APH1A: variants seen among roughly 807,000 people sequenced by gnomAD.
APH1A encodes aph-1A gamma-secretase subunit.
A neutral mutation model predicts 30.3 loss-of-function variants in APH1A; 16 were observed. The ratio of observed to expected loss-of-function variants is 0.53; its 90% CI spans 0.36 to 0.80. APH1A has a LOEUF of 0.80. Ranked by LOEUF, APH1A falls within the 30% of genes least tolerant of loss-of-function variation. The pLI is 0.01. For synonymous variants in APH1A, 144 were observed against 140.1 expected, an observed-to-expected ratio of 1.03 and a Z score of -0.20; for missense variants, 245 against 337.8, an observed-to-expected ratio of 0.73 and a Z score of 2.15.
At position 150,267,341 on chromosome 1, in the gene APH1A, GA is replaced by G. The variant is rs1651813895; in HGVS notation, c.481+14del. On this transcript the variant is annotated intron_variant, in intron 4 of 6. Transcript: ENST00000369109. ...ATGGATGGGGGGTAAAGGCTAGATA[GA>G]AGGTGGATCTTACCTGAAGTCAGGA... 9 of 1,613,992 alleles carry G rather than the reference GA, an allele frequency of 5.6e-6. No individual in the cohort carries two copies. Among genetic ancestry groups the G allele is most frequent in the Non-Finnish European group, 7.6e-6 (9 of 1,180,006 alleles).
chr1:150,265,845 TCCC>T lies in APH1A; in HGVS notation c.*282_*284del. On this transcript the variant is annotated 3_prime_UTR_variant, in exon 7 of 7. Coordinates refer to ENST00000369109, the MANE Select transcript of APH1A (RefSeq NM_001077628.3). Reference sequence around the variant, plus strand: ...GAAGAGTTCCAATATACCTCCTCCCTCCCCCCACCTCAAAAAAGAAAAAAAGGC... The same window carrying T: ...GAAGAGTTCCAATATACCTCCTCCCTCCCACCTCAAAAAAGAAAAAAAGGC... The T allele has an allele frequency of 2.7e-6, 1 of 375,880 alleles. No individual in the cohort carries two copies. The highest frequency in any genetic ancestry group is 5.9e-5 in the South Asian group (1 of 16,850). The allele number at this position is 375,880 out of a possible 1,614,324, so 23.3% of individuals were successfully genotyped here.
At chr1:150,266,493 G>A (rs1180616840) in intron 6 of APH1A, 40 bp downstream of exon 6, 1 of 1,612,914 alleles carries the variant, frequency 6.2e-7, no homozygotes. Context: ...ACAGGCAGGT[G>A]GGATCTGTCA....
rs184760849 is a variant in APH1A, at chr1:150,265,761, G to A, written c.*369C>T. The A allele has an allele frequency of 3.6e-5, 7 of 194,082 alleles. No homozygotes were observed. Among genetic ancestry groups the A allele is most frequent in the Admixed American group, 1.7e-4 (3 of 17,816 alleles). 12.0% of individuals were successfully genotyped at this position (194,082 alleles called of 1,614,324 possible). A position where few individuals can be genotyped will look rare whatever the true frequency, so the allele number is the denominator to read the frequency against. On this transcript the variant is annotated 3_prime_UTR_variant, in exon 7 of 7. Transcript: ENST00000369109. ...GTCTGGGACCAAGGAGAAAGGGACC[G>A]AAATGAGCCCAGCCATGAGGAGCAA...
chr1:150,268,543 G>A (rs1651943042), intron 1 of APH1A, 155 bp downstream of exon 1: 1 of 716,872 alleles, frequency 1.4e-6, no homozygotes, highest in Admixed American at 2.9e-5. Flanking sequence ...TGCGGGAAAG[G>A]ACAAATCTCC....
In APH1A at chr1:150,268,822, T is replaced by A; in HGVS notation, c.-12A>T. The stretch of plus-strand genomic sequence containing the variant: ...ACCGCAGCCCCCATGGCTGGTCAGG[T>A]GGGAAGGGGGGTGGGGGCCTGACCA... On this transcript the variant is annotated 5_prime_UTR_variant, in exon 1 of 7. Transcript: ENST00000369109. 2 of 1,603,296 alleles carry A rather than the reference T, an allele frequency of 1.2e-6. No individual in the cohort carries two copies. Among genetic ancestry groups the A allele is most frequent in the Non-Finnish European group, 1.7e-6 (2 of 1,175,264 alleles).
rs374950774 is a variant in APH1A, at chr1:150,265,927, G to C, written c.*203C>G. 2 of 617,688 alleles carry C rather than the reference G, an allele frequency of 3.2e-6. No homozygotes were observed. Among genetic ancestry groups the C allele is most frequent in the East Asian group, 3.0e-5 (1 of 33,350 alleles). The allele number at this position is 617,688 out of a possible 1,614,324, so 38.3% of individuals were successfully genotyped here. A position where few individuals can be genotyped will look rare whatever the true frequency, so the allele number is the denominator to read the frequency against. On this transcript the variant is annotated 3_prime_UTR_variant, in exon 7 of 7. Coordinates refer to ENST00000369109, the MANE Select transcript of APH1A (RefSeq NM_001077628.3). ...GGTTCCCCCTCAGGCCTGAGAAAAA[G>C]ACCAAGATGTCCAGTCTTGAGGGAG...
chr1:150,266,097 C>A lies in APH1A; in HGVS notation c.*33G>T. On this transcript the variant is annotated 3_prime_UTR_variant, in exon 7 of 7. Transcript: ENST00000369109. Reference sequence around the variant, plus strand: ...ATACAGGGCGAGGACATCAGGAGGGCACCCCAGGCCCAGGGGTCCCCCCTA... The same window carrying A: ...ATACAGGGCGAGGACATCAGGAGGGAACCCCAGGCCCAGGGGTCCCCCCTA... 6.4e-7 allele frequency: 1 copy of A among 1,563,798 alleles called. No individual in the cohort carries two copies. The highest frequency in any genetic ancestry group is 8.7e-7 in the Non-Finnish European group (1 of 1,153,550).
In APH1A at chr1:150,267,120, C is replaced by G; in HGVS notation, c.564G>C (p.Trp188Cys). ...GACTCCCAACCACCAGGCCCAAAGC[C>G]CAGTACCGTCTCCTCTCACAGGCAT... Reference protein sequence around the residue: ...FFDACERRRYWALGLVVGSHL... With the variant: ...FFDACERRRYCALGLVVGSHL... Residue 188 changes from tryptophan to cysteine, a missense_variant, in exon 5 of 7, where the codon TGG (tryptophan) becomes TGC (cysteine). Coordinates refer to ENST00000369109, the MANE Select transcript of APH1A (RefSeq NM_001077628.3). The G allele has an allele frequency of 6.2e-7, 1 of 1,614,188 alleles. No homozygotes were observed. The highest frequency in any genetic ancestry group is 8.5e-7 in the Non-Finnish European group (1 of 1,180,034).
intron 3 of APH1A, 76 bp from the exon 4 acceptor site, chr1:150,267,554 G>A (rs1651836894): frequency 6.3e-6 from 10 of 1,592,022 alleles, no homozygotes; most frequent in South Asian, 1.1e-5. Flanking sequence ...CCCCATTCCC[G>A]GTTACAATTC....
At chr1:150,266,786 C>T in intron 5 of APH1A, 130 bp from the exon 6 acceptor site, 1 of 1,221,842 alleles carries the variant, frequency 8.2e-7, no homozygotes, top group Non-Finnish European at 1.1e-6. Flanking sequence ...AGAGCACCAA[C>T]ATCTTGTGGT....
chr1:150,267,528 T>C (rs1162877632), intron 3 of APH1A, 50 bp from the exon 4 acceptor site: 2 of 1,606,944 alleles, frequency 1.2e-6, no homozygotes, highest in African/African-American at 2.7e-5. Context: ...CTATTGCCTG[T>C]TCACCACTGA....
At position 150,266,008 on chromosome 1, in the gene APH1A, G is replaced by C. The variant is rs1651668699; in HGVS notation, c.*122C>G. 2 of 1,169,552 alleles carry C rather than the reference G, an allele frequency of 1.7e-6. No individual in the cohort carries two copies. The highest frequency in any genetic ancestry group is 2.4e-6 in the Non-Finnish European group (2 of 838,862). The allele number at this position is 1,169,552 out of a possible 1,614,324, so 72.4% of individuals were successfully genotyped here. ...GAGCCTCCATTAATTTCATCTCCAG[G>C]GCAATGGCTAAACTAGGTCCCTTTT... On this transcript the variant is annotated 3_prime_UTR_variant, in exon 7 of 7. Coordinates refer to ENST00000369109, the MANE Select transcript of APH1A (RefSeq NM_001077628.3).
intron 6 of APH1A, 126 bp from the exon 7 acceptor site, chr1:150,266,320 C>T (rs1403283799): frequency 6.7e-7 from 1 of 1,490,616 alleles, no homozygotes; most frequent in African/African-American, 1.4e-5. Context: ...ACCCACCAGT[C>T]ACTGACTGGC....
intron 1 of APH1A, 79 bp from the exon 2 acceptor site, chr1:150,268,206 G>C: frequency 6.6e-7 from 1 of 1,510,912 alleles, no homozygotes; most frequent in African/African-American, 1.4e-5. Flanking sequence ...AGCCAAAGCT[G>C]CTTGAAAAGT....
intron 5 of APH1A, 160 bp downstream of exon 5, chr1:150,266,915 T>C: frequency 8.2e-7 from 1 of 1,225,068 alleles, no homozygotes; most frequent in Non-Finnish European, 1.1e-6. Flanking sequence ...CCAGAGCAGG[T>C]GATAGAAATG....
chr1:150,268,062 G>C lies in APH1A; in HGVS notation c.179C>G (p.Thr60Ser). The C allele has an allele frequency of 1.2e-6, 2 of 1,614,162 alleles. No individual in the cohort carries two copies. Among genetic ancestry groups the C allele is most frequent in the Non-Finnish European group, 1.7e-6 (2 of 1,180,030 alleles). ...CTGGAGCCGGGCATCTGACCGGTCG[G>C]TCACATGGACCAAGATGAACCAGAC... is the stretch of plus-strand genomic sequence containing the variant. ...SVVWFILVHV[T>S]DRSDARLQYG... The change falls in exon 2 of 7, where the codon ACC becomes AGC. Residue 60 changes from threonine (T) to serine (S), a missense_variant. By Grantham distance (58) the Thr-to-Ser change is moderately conservative. Transcript: ENST00000369109.
Position 150,268,963 on chromosome 1 carries a change from G to C in APH1A, c.-153C>G, listed in dbSNP as rs199768691. On this transcript the variant is annotated 5_prime_UTR_variant, in exon 1 of 7. Coordinates refer to ENST00000369109, the MANE Select transcript of APH1A (RefSeq NM_001077628.3). ...AGACCCCGGGGAAGGGGAAGGGGGG[G>C]AACCGAAACCCCAAATGAAGGTCCG... 3.2e-6 allele frequency: 2 copies of C among 623,812 alleles called. No individual in the cohort carries two copies. Among genetic ancestry groups the C allele is most frequent in the East Asian group, 2.8e-5 (1 of 35,150 alleles). 38.6% of individuals were successfully genotyped at this position (623,812 alleles called of 1,614,324 possible). A position where few individuals can be genotyped will look rare whatever the true frequency, so the allele number is the denominator to read the frequency against.
chr1:150,268,400 T>C, intron 1 of APH1A: 1 of 589,250 alleles, frequency 1.7e-6, no homozygotes, highest in Non-Finnish European at 3.0e-6. Flanking sequence ...TCCTGGATCC[T>C]CCCCTAAGGC....
rs1459877935 is a variant in APH1A at position 150,266,097 on chromosome 1, C to T, written c.*33G>A. On this transcript the variant is annotated 3_prime_UTR_variant, in exon 7 of 7. Coordinates refer to ENST00000369109, the MANE Select transcript of APH1A (RefSeq NM_001077628.3). The stretch of plus-strand genomic sequence containing the variant: ...ATACAGGGCGAGGACATCAGGAGGG[C>T]ACCCCAGGCCCAGGGGTCCCCCCTA... 3 of 1,563,798 alleles carry T rather than the reference C, an allele frequency of 1.9e-6. No homozygotes were observed. Among genetic ancestry groups the T allele is most frequent in the South Asian group, 2.4e-5 (2 of 85,042 alleles).
Sources: gnomAD v4.1 joint callset for allele counts on GRCh38, gnomAD v4.1.1 for gene constraint, MANE v1.5 for transcripts, NCBI Gene and HGNC (gene_info 2026-07-23, HGNC 2026-07-21) for gene names.